Variants in TENM4 observed in about 807,000 individuals in gnomAD.
The protein encoded by TENM4 is teneurin-4.
In TENM4, 82 loss-of-function variants were observed where a neutral mutation model predicts 243.3. The observed-to-expected ratio is 0.34, with a 90% CI of 0.28 to 0.40. The LOEUF (loss-of-function observed/expected upper bound fraction) is 0.40, where lower values mean the gene tolerates loss of function less well. Among genes scored for constraint, TENM4 ranks in the 10% least tolerant of loss-of-function variants. The pLI is 1.00. For synonymous variants in TENM4, 1,412 were observed against 1,456.3 expected, an observed-to-expected ratio of 0.97 and a Z score of 0.69; for missense variants, 3,138 against 3,673.3, an observed-to-expected ratio of 0.85 and a Z score of 3.77.
At chr11:79,169,241 G>C (rs1477527568) in intron 3 of TENM4, among the ~76,000 whole-genome samples, 1 of 152,178 alleles carries the variant, frequency 6.6e-6, no homozygotes, top group Non-Finnish European at 1.5e-5. Flanking sequence ...AAAACATCAA[G>C]TTTTGGGTAG....
Position 79,344,555 on chromosome 11 carries a change from G to A in TENM4, c.-320-47012C>T, listed in dbSNP as rs1168048742. Reference sequence around the variant, plus strand: ...AAGGGGTCTGCATGCACCTGACCAGGTAGACTGGCACTGGAGTCTTTGAAA... The same window carrying A: ...AAGGGGTCTGCATGCACCTGACCAGATAGACTGGCACTGGAGTCTTTGAAA... On this transcript the variant is annotated intron_variant, in intron 1 of 33. Transcript: ENST00000278550. Among the ~76,000 whole-genome samples the A allele has an allele frequency of 2.0e-5, 3 of 152,212 alleles. No individual in the cohort carries two copies. In the East Asian group the frequency reaches 5.8e-4, roughly 29 times the overall value.
chr11:79,147,417 C>G (rs1239885069), intron 4 of TENM4, among the ~76,000 whole-genome samples: 1 of 152,022 alleles, frequency 6.6e-6, no homozygotes, highest in Non-Finnish European at 1.5e-5. Context: ...TAAAATTTCC[C>G]TTTTAACTGT....
At chr11:78,921,364 A>G (rs1856443367) in intron 6 of TENM4, among the ~76,000 whole-genome samples, 1 of 152,240 alleles carries the variant, frequency 6.6e-6, no homozygotes, top group African/African-American at 2.4e-5. Flanking sequence ...AGACAAATGC[A>G]CTGTGCCCAA....
intron 9 of TENM4, among the ~76,000 whole-genome samples, chr11:78,883,329 T>C (rs1480143337): frequency 6.6e-6 from 1 of 152,226 alleles, no homozygotes; most frequent in Non-Finnish European, 1.5e-5. Context: ...TCCTCCCACT[T>C]TGCAGATGAG....
At chr11:78,863,690 A>C (rs552261613) in intron 9 of TENM4, among the ~76,000 whole-genome samples, 1 of 152,314 alleles carries the variant, frequency 6.6e-6, no homozygotes, top group South Asian at 2.1e-4. Context: ...AATACACTAT[A>C]TTGGCAGAGA....
At chr11:79,210,563 A>C (rs910104152) in intron 3 of TENM4, among the ~76,000 whole-genome samples, 7 of 152,204 alleles carry the variant, frequency 4.6e-5, no homozygotes, top group Non-Finnish European at 1.0e-4. Context: ...AAAAGCGGTC[A>C]TGGGCCTTGA....
chr11:79,341,258 T>G (rs1323930405), intron 1 of TENM4, among the ~76,000 whole-genome samples: 1 of 152,202 alleles, frequency 6.6e-6, no homozygotes, highest in African/African-American at 2.4e-5. Flanking sequence ...GAATGTGTCA[T>G]AGCAGCGATG....
At chr11:78,985,351 T>G (rs925203553) in intron 6 of TENM4, among the ~76,000 whole-genome samples, 1 of 152,174 alleles carries the variant, frequency 6.6e-6, no homozygotes, top group African/African-American at 2.4e-5. Context: ...ATTTAAAAGA[T>G]AATGCCAAAT....
In TENM4 at chr11:78,672,283, C is replaced by T. The variant is rs369387606; in HGVS notation, c.5543G>A (p.Arg1848His). ...LLSLDFDRVT[R>H]TEKIYDDHRK... ...GTGGTCATCATAGATCTTCTCTGTG[C>T]GTGTTACGCGATCAAAGTCCAGAGA... The change falls in exon 31 of 34, where the codon CGC (arginine) becomes CAC (histidine). Residue 1848 changes from arginine to histidine, a missense_variant. Physicochemically the swap from Arg to His is conservative, Grantham distance 29 (BLOSUM62 0). Around this residue, in one of 2 missense-constraint regions of TENM4, gnomAD observed 2,467 missense variants for 3,059.1 expected, o/e 0.81. Transcript: ENST00000278550. 121 of 1,613,206 alleles carry T rather than the reference C, an allele frequency of 7.5e-5. No individual in the cohort carries two copies. Among genetic ancestry groups the T allele is most frequent in the Non-Finnish European group, 8.4e-5 (99 of 1,179,288 alleles).
chr11:78,896,785 G>A (rs766845387), intron 7 of TENM4, among the ~76,000 whole-genome samples: 1 of 152,140 alleles, frequency 6.6e-6, no homozygotes, highest in Non-Finnish European at 1.5e-5. Context: ...CAGCCAGCCT[G>A]GGGATGGACC....
chr11:78,974,317 C>G (rs1235223212), intron 6 of TENM4, among the ~76,000 whole-genome samples: 1 of 152,174 alleles, frequency 6.6e-6, no homozygotes, highest in Admixed American at 6.5e-5. Context: ...ATTTTCACAG[C>G]CATGATCTCA....
At chr11:79,241,956 G>C (rs975693020) in intron 2 of TENM4, among the ~76,000 whole-genome samples, 3 of 152,188 alleles carry the variant, frequency 2.0e-5, no homozygotes, top group Admixed American at 2.0e-4. Context: ...TCTGTGACCT[G>C]GGATTGTGCA....
At chr11:78,892,312 T>G (rs896580696) in intron 7 of TENM4, among the ~76,000 whole-genome samples, 1 of 152,202 alleles carries the variant, frequency 6.6e-6, no homozygotes, top group Non-Finnish European at 1.5e-5. Flanking sequence ...CTGTGGTGAA[T>G]CATTTGTAAC....
At chr11:78,885,401 C>G (rs745851900) in intron 9 of TENM4, among the ~76,000 whole-genome samples, 8 of 152,202 alleles carry the variant, frequency 5.3e-5, no homozygotes, top group Non-Finnish European at 1.0e-4. Flanking sequence ...GATCCCACAG[C>G]TGTGTGAGGG....
chr11:78,934,924 T>C (rs1382616262), intron 6 of TENM4, among the ~76,000 whole-genome samples: 1 of 151,992 alleles, frequency 6.6e-6, no homozygotes, highest in Non-Finnish European at 1.5e-5. Context: ...GAGGGGGTTG[T>C]GTTTCATGAC....
intron 1 of TENM4, among the ~76,000 whole-genome samples, chr11:79,332,910 A>T (rs1002438891): frequency 6.6e-6 from 1 of 151,866 alleles, no homozygotes; most frequent in Non-Finnish European, 1.5e-5. Context: ...CTAAACTTCA[A>T]CCCGCCTGTC....
At chr11:79,268,537 C>CATTGGA (rs1855917240) in intron 2 of TENM4, among the ~76,000 whole-genome samples, 3 of 152,054 alleles carry the variant, frequency 2.0e-5, no homozygotes, top group African/African-American at 7.2e-5. Flanking sequence ...TCATGGACTA[C>CATTGGA]CTATTCACAA....
chr11:78,937,150 G>T (rs1159058493), intron 6 of TENM4, among the ~76,000 whole-genome samples: 1 of 152,112 alleles, frequency 6.6e-6, no homozygotes, highest in African/African-American at 2.4e-5. Flanking sequence ...CATGGGGAAG[G>T]GCAGTGATCC....
intron 3 of TENM4, among the ~76,000 whole-genome samples, chr11:79,171,263 A>T (rs1024229135): frequency 2.6e-5 from 4 of 152,190 alleles, no homozygotes; most frequent in Non-Finnish European, 5.9e-5. Flanking sequence ...CTCACCCAGT[A>T]TATGGTATTT....
Sources: allele counts gnomAD v4.1 joint callset (sites outside exome capture counted in the v4.1 genomes callset), GRCh38; gene constraint gnomAD v4.1.1; regional missense constraint gnomAD v4.1.1; transcripts MANE v1.5; gene names NCBI Gene and HGNC (gene_info 2026-07-23, HGNC 2026-07-21).